The following BCR variants were observed in gnomAD, a reference collection of about 807,000 sequenced individuals.
The protein encoded by BCR is breakpoint cluster region protein.
Under a neutral mutation model 138.6 loss-of-function variants are expected in BCR, and 58 were observed. The observed-to-expected ratio is 0.42, with a 90% CI of 0.34 to 0.52. BCR has a LOEUF of 0.52. Among genes scored for constraint, BCR ranks in the 20% least tolerant of loss-of-function variants. BCR has a pLI of 0.06. For synonymous variants in BCR, 786 were observed against 730.1 expected, an observed-to-expected ratio of 1.08 and a Z score of -1.23; for missense variants, 1,599 against 1,727.2, an observed-to-expected ratio of 0.93 and a Z score of 1.32.
At position 23,249,135 on chromosome 22, in the gene BCR, A is replaced by G. The variant is rs562150425; in HGVS notation, c.1280-4664A>G. ...CTTTTTCTCAAAAAATGTTTTTAAA[A>G]ATTAGCTGGGCAGGCCAGGCACGGT... On this transcript the variant is annotated intron_variant, in intron 1 of 22. Transcript: ENST00000305877. Among the ~76,000 whole-genome samples, 3 of 152,282 alleles carry G rather than the reference A, an allele frequency of 2.0e-5. No homozygotes were observed. In the South Asian group the frequency reaches 6.2e-4, roughly 32 times the overall value.
At chr22:23,237,480 G>A (rs1423428868) in intron 1 of BCR, among the ~76,000 whole-genome samples, 2 of 152,230 alleles carry the variant, frequency 1.3e-5, no homozygotes, top group African/African-American at 2.4e-5. Context: ...TGACAGTTTC[G>A]AGTTTCAGGT....
intron 16 of BCR, chr22:23,306,726 T>G (rs140508): frequency 0.76 from 116,326 of 152,262 alleles, 45,202 homozygotes; most frequent in East Asian, 1. Flanking sequence ...TCAAAAGGCC[T>G]TGGAGGCTGG....
Position 23,181,116 on chromosome 22 carries a change from G to A in BCR, c.156G>A (p.Glu52=), listed in dbSNP as rs1246063414. ...IRRLEQEVNQ[E]RFRMIYLQTL... ...GCCTGGAGCAGGAGGTGAACCAGGA[G>A]CGCTTCCGCATGATCTACCTGCAGA... Residue 52 remains glutamate (E), a synonymous_variant, in exon 1 of 23, where the codon GAG becomes GAA. Coordinates refer to ENST00000305877, the MANE Select transcript of BCR (RefSeq NM_004327.4). 2.7e-6 allele frequency: 4 copies of A among 1,502,710 alleles called. No homozygotes were observed. Among genetic ancestry groups the A allele is most frequent in the Non-Finnish European group, 2.7e-6 (3 of 1,118,320 alleles). 93.1% of individuals were successfully genotyped at this position (1,502,710 alleles called of 1,614,324 possible).
intron 15 of BCR, among the ~76,000 whole-genome samples, chr22:23,293,796 GCA>G (rs2073816022): frequency 6.6e-6 from 1 of 151,954 alleles, no homozygotes; most frequent in South Asian, 2.1e-4. Flanking sequence ...TGTTCCTGGC[GCA>G]CACACACACC....
At chr22:23,195,210 C>T (rs9624050) in intron 1 of BCR, among the ~76,000 whole-genome samples, 35,261 of 151,532 alleles carry the variant, frequency 0.23, 4,599 homozygotes, top group East Asian at 0.35. Flanking sequence ...CACCTGAGGT[C>T]GGGAGTTTGA....
At chr22:23,217,043 C>T (rs750885986) in intron 1 of BCR, 123 of 450,700 alleles carry the variant, frequency 2.7e-4, no homozygotes, top group Non-Finnish European at 4.4e-4. Flanking sequence ...TGTGGACACA[C>T]GGCGTGGACA....
At position 23,182,100 on chromosome 22, in the gene BCR, C is replaced by A. The variant is rs772007472; in HGVS notation, c.1140C>A (p.Ser380Arg). The change falls in exon 1 of 23, where the codon AGC (serine) becomes AGA (arginine). Residue 380 changes from serine to arginine, a missense_variant. Ser to Arg is a moderately radical substitution (Grantham distance 110). This residue lies in a region of BCR where 806 missense variants were observed against 635.0 expected (regional missense o/e 1.27). Transcript: ENST00000305877. Reference sequence around the variant, plus strand: ...AGAACTCGCAACAGTCCTTCGACAGCAGCAGTCCCCCCACGCCGCAGTGCC... The same window carrying A: ...AGAACTCGCAACAGTCCTTCGACAGAAGCAGTCCCCCCACGCCGCAGTGCC... ...PSQNSQQSFD[S>R]SSPPTPQCHK... 1 of 1,612,818 alleles carries A rather than the reference C, an allele frequency of 6.2e-7. No homozygotes were observed.
Position 23,311,926 on chromosome 22 carries a change from A to T in BCR, c.3322+90A>T, listed in dbSNP as rs547807988. ...GAGTGCTCCATGGCCCAGGCATGTC[A>T]CATCCTTCTCTGTGTCTTTTCTTCA... On this transcript the variant is annotated intron_variant, in intron 19 of 22. Transcript: ENST00000305877. The T allele has an allele frequency of 1.0e-5, 16 of 1,542,266 alleles. No homozygotes were observed. The East Asian group carries it at 3.6e-4, about 35-fold the overall frequency.
intron 4 of BCR, chr22:23,263,445 G>C: frequency 7.2e-7 from 1 of 1,396,198 alleles, no homozygotes; most frequent in Non-Finnish European, 1.0e-6. Context: ...GTGCTGCCGA[G>C]AGGGGATTCT....
At chr22:23,230,627 C>T (rs1023986632) in intron 1 of BCR, among the ~76,000 whole-genome samples, 3 of 152,196 alleles carry the variant, frequency 2.0e-5, no homozygotes, top group African/African-American at 7.2e-5. Flanking sequence ...TGCTTCAGAC[C>T]CTTCTATCAA....
At chr22:23,247,225 G>C (rs532223142) in intron 1 of BCR, among the ~76,000 whole-genome samples, 25 of 152,346 alleles carry the variant, frequency 1.6e-4, no homozygotes, top group Admixed American at 1.3e-3. Context: ...AGCCATGACA[G>C]GGTGGGGGTT....
chr22:23,306,508 G>C (rs1199356712), intron 16 of BCR, among the ~76,000 whole-genome samples: 1 of 152,206 alleles, frequency 6.6e-6, no homozygotes, highest in Non-Finnish European at 1.5e-5. Flanking sequence ...TCCAAACTTG[G>C]GCAACAGGAA....
chr22:23,287,376 CTG>C (rs1296621039), intron 11 of BCR, 98 bp downstream of exon 11: 3 of 1,429,912 alleles, frequency 2.1e-6, no homozygotes, highest in Non-Finnish European at 2.8e-6. Flanking sequence ...GCGCCCCACT[CTG>C]AGAGAGGCAT....
chr22:23,225,670 A>G (rs1602034956), intron 1 of BCR, among the ~76,000 whole-genome samples: 1 of 152,320 alleles, frequency 6.6e-6, no homozygotes, highest in East Asian at 1.9e-4. Flanking sequence ...ACTTCAGCAG[A>G]TAGGGTGATG....
At chr22:23,222,129 C>T (rs2072831699) in intron 1 of BCR, among the ~76,000 whole-genome samples, 3 of 152,150 alleles carry the variant, frequency 2.0e-5, no homozygotes, top group Admixed American at 1.3e-4. Flanking sequence ...TAGCCCTCCC[C>T]GTCTTCTCAC....
chr22:23,263,713 G>C, intron 4 of BCR: 2 of 1,397,198 alleles, frequency 1.4e-6, no homozygotes, highest in East Asian at 2.3e-5. Flanking sequence ...CAAGTACTGG[G>C]CTCATGAACA....
intron 1 of BCR, among the ~76,000 whole-genome samples, chr22:23,184,749 C>G (rs1447325276): frequency 1.3e-5 from 2 of 152,178 alleles, no homozygotes; most frequent in Admixed American, 1.3e-4. Flanking sequence ...GCCCTGGGCA[C>G]CTTGACACTC....
At chr22:23,285,786 C>G (rs1188563568) in intron 10 of BCR, among the ~76,000 whole-genome samples, 1 of 152,148 alleles carries the variant, frequency 6.6e-6, no homozygotes, top group East Asian at 1.9e-4. Context: ...GTCTTCTGTC[C>G]CTGGGTCATG....
chr22:23,193,949 C>T (rs775587372), intron 1 of BCR, among the ~76,000 whole-genome samples: 1 of 152,186 alleles, frequency 6.6e-6, no homozygotes, highest in Non-Finnish European at 1.5e-5. Flanking sequence ...GATGCATTGG[C>T]GTGAGCCCAG....
Sources: allele counts gnomAD v4.1 joint callset (sites outside exome capture counted in the v4.1 genomes callset), GRCh38; gene constraint gnomAD v4.1.1; regional missense constraint gnomAD v4.1.1; transcripts MANE v1.5; gene names NCBI Gene and HGNC (gene_info 2026-07-23, HGNC 2026-07-21).